The following SGSM1 variants were observed in gnomAD, a reference collection of about 807,000 sequenced individuals.
The protein encoded by SGSM1 is RUN and TBC1 domain containing 2.
SGSM1 carries 73 observed loss-of-function variants against 133.8 expected under a neutral mutation model. The ratio of observed to expected loss-of-function variants is 0.55; its 90% CI spans 0.45 to 0.66. The LOEUF is 0.66. Ranked by LOEUF, SGSM1 falls within the 30% of genes least tolerant of loss-of-function variation. The probability of loss-of-function intolerance (pLI) is 0.00; values close to 1 mark genes in which losing one functional copy is unlikely to be tolerated. For synonymous variants in SGSM1, 563 were observed against 573.0 expected (o/e 0.98, Z 0.25); for missense variants, 1,213 against 1,448.1 (o/e 0.84, Z 2.64).
intron 5 of SGSM1, among the ~76,000 whole-genome samples, chr22:24,852,462 G>A (rs1930535337): frequency 6.6e-6 from 1 of 151,988 alleles, no homozygotes; most frequent in South Asian, 2.1e-4. Context: ...TTTTATTTTT[G>A]AGATGGAGTC....
At chr22:24,829,059 G>C (rs1928959691) in intron 2 of SGSM1, among the ~76,000 whole-genome samples, 1 of 152,040 alleles carries the variant, frequency 6.6e-6, no homozygotes, top group African/African-American at 2.4e-5. Context: ...AGCCGGGCAT[G>C]GTGGCGGGCG....
intron 2 of SGSM1, among the ~76,000 whole-genome samples, chr22:24,821,923 G>T (rs5760687): frequency 0.43 from 65,556 of 151,482 alleles, 15,147 homozygotes; most frequent in East Asian, 0.54. Context: ...CCACATGGAC[G>T]ATTATCCCTC....
At chr22:24,905,245 A>G in intron 21 of SGSM1, 58 bp downstream of exon 21, 11 of 1,507,538 alleles carry the variant, frequency 7.3e-6, no homozygotes, top group Non-Finnish European at 1.0e-5. Context: ...ACTGCATGGC[A>G]GAAGGCTTAA....
intron 9 of SGSM1, among the ~76,000 whole-genome samples, chr22:24,862,525 C>T (rs545994887): frequency 6.6e-6 from 1 of 152,304 alleles, no homozygotes; most frequent in African/African-American, 2.4e-5. Context: ...ATCCCCAGCA[C>T]CTGCCACAGG....
intron 5 of SGSM1, among the ~76,000 whole-genome samples, chr22:24,853,769 A>ATTTTTTT (rs57736929): frequency 4.9e-5 from 6 of 123,438 alleles, no homozygotes; most frequent in Non-Finnish European, 6.5e-5. Context: ...CGCCTGGTGA[A>ATTTTTTT]TTTTTTTTTT....
At chr22:24,900,393 T>TTCTCTCTTTCTC (rs1403588800) in intron 19 of SGSM1, among the ~76,000 whole-genome samples, 8 of 69,390 alleles carry the variant, frequency 1.2e-4, no homozygotes, top group African/African-American at 3.9e-4. Flanking sequence ...CTTTCTTTCT[T>TTCTCTCTTTCTC]TCTTTCTTTC....
chr22:24,921,432 A>G (rs549465693), intron 24 of SGSM1, among the ~76,000 whole-genome samples: 9 of 152,270 alleles, frequency 5.9e-5, no homozygotes, highest in African/African-American at 2.2e-4. Flanking sequence ...ATATATCTCA[A>G]GTGACTATTC....
At chr22:24,901,698 G>C in intron 19 of SGSM1, 135 bp from the exon 20 acceptor site, 2 of 903,786 alleles carry the variant, frequency 2.2e-6, no homozygotes, top group Non-Finnish European at 3.2e-6. Flanking sequence ...ACACCTGGCT[G>C]GTCCAGGTGG....
intron 14 of SGSM1, among the ~76,000 whole-genome samples, 182 bp from the exon 15 acceptor site, chr22:24,883,871 G>A (rs963348327): frequency 4.6e-5 from 7 of 152,124 alleles, no homozygotes; most frequent in Non-Finnish European, 7.4e-5. Context: ...TGAGAGGATC[G>A]CATCAGCCTG....
chr22:24,864,787 A>G (rs992046706), intron 9 of SGSM1, among the ~76,000 whole-genome samples: 7 of 152,220 alleles, frequency 4.6e-5, no homozygotes. Flanking sequence ...TTACTCATCA[A>G]ACTGTACACT....
At chr22:24,845,413 C>T (rs1279122032) in intron 3 of SGSM1, among the ~76,000 whole-genome samples, 2 of 152,140 alleles carry the variant, frequency 1.3e-5, no homozygotes, top group Admixed American at 1.3e-4. Context: ...GGGCTCAGAG[C>T]GTGACTCAGA....
At chr22:24,910,304 C>A (rs1296763047) in intron 21 of SGSM1, among the ~76,000 whole-genome samples, 1 of 152,098 alleles carries the variant, frequency 6.6e-6, no homozygotes, top group Admixed American at 6.6e-5. Flanking sequence ...TGTACTAAAA[C>A]CACTAAGTGG....
chr22:24,883,455 C>T (rs151306794), intron 14 of SGSM1, among the ~76,000 whole-genome samples: 2 of 152,290 alleles, frequency 1.3e-5, no homozygotes, highest in South Asian at 2.1e-4. Flanking sequence ...CTTTCTACCC[C>T]CTTCTCTGCC....
chr22:24,820,537 T>G (rs942046741), intron 2 of SGSM1, among the ~76,000 whole-genome samples: 1 of 152,198 alleles, frequency 6.6e-6, no homozygotes, highest in Non-Finnish European at 1.5e-5. Flanking sequence ...TCTAATACTC[T>G]AAAGGTCCAC....
intron 19 of SGSM1, among the ~76,000 whole-genome samples, chr22:24,900,430 G>A (rs78574995): frequency 3.1e-5 from 4 of 129,754 alleles, no homozygotes; most frequent in South Asian, 2.3e-4. Flanking sequence ...ACAGAGTTTC[G>A]CTCTTGTTGC....
At chr22:24,856,768 C>CTTTTT (rs113036395) in intron 8 of SGSM1, among the ~76,000 whole-genome samples, 2 of 139,348 alleles carry the variant, frequency 1.4e-5, no homozygotes, top group African/African-American at 2.6e-5. Flanking sequence ...AGTTTCTTTT[C>CTTTTT]TTTTTTTTTT....
intron 9 of SGSM1, among the ~76,000 whole-genome samples, chr22:24,861,276 T>C (rs1467166037): frequency 7.1e-6 from 1 of 141,636 alleles, no homozygotes; most frequent in East Asian, 2.2e-4. Flanking sequence ...TGCCTGAACC[T>C]GGGAAGCAGA....
chr22:24,894,112 C>T (rs1391532718), intron 17 of SGSM1, among the ~76,000 whole-genome samples: 4 of 152,184 alleles, frequency 2.6e-5, no homozygotes, highest in African/African-American at 9.7e-5. Flanking sequence ...AGTAGGATCT[C>T]ACCACCCTTG....
At chr22:24,890,336 T>C (rs1239140602) in intron 16 of SGSM1, among the ~76,000 whole-genome samples, 1 of 152,108 alleles carries the variant, frequency 6.6e-6, no homozygotes, top group Non-Finnish European at 1.5e-5. Context: ...TCGAGAAGCA[T>C]TTGTAATTAT....
Sources: gnomAD v4.1 joint callset for allele counts (sites outside exome capture counted in the v4.1 genomes callset) on GRCh38, gnomAD v4.1.1 for gene constraint, MANE v1.5 for transcripts, NCBI Gene and HGNC (gene_info 2026-07-23, HGNC 2026-07-21) for gene names.